Variants in EFR3B observed in about 807,000 individuals in gnomAD.
EFR3B encodes protein EFR3 homolog B.
In EFR3B, 64 loss-of-function variants were observed where a neutral mutation model predicts 104.7. The ratio of observed to expected loss-of-function variants is 0.61; its 90% CI spans 0.50 to 0.75. The LOEUF is 0.75. Among genes scored for constraint, EFR3B ranks in the 30% least tolerant of loss-of-function variants. The pLI is 0.00. For missense variants in EFR3B, 750 were observed against 1,078.5 expected (o/e 0.70, Z 4.27); for synonymous variants, 385 against 417.9 (o/e 0.92, Z 0.96).
chr2:25,061,484 A>G (rs1234859054), intron 1 of EFR3B, among the ~76,000 whole-genome samples: 1 of 151,166 alleles, frequency 6.6e-6, no homozygotes. Flanking sequence ...GTGAACACCA[A>G]TAAGCTTTAT....
chr2:25,083,134 C>A (rs549958578), intron 1 of EFR3B, among the ~76,000 whole-genome samples: 67 of 152,180 alleles, frequency 4.4e-4, no homozygotes, highest in Non-Finnish European at 5.0e-4. Context: ...GGCCATATCA[C>A]GTTTCCCTCT....
Position 25,042,326 on chromosome 2 carries a change from A to G in EFR3B, c.7+7A>G. The G allele has an allele frequency of 7.9e-7, 1 of 1,266,604 alleles. No homozygotes were observed. Among genetic ancestry groups the G allele is most frequent in the Non-Finnish European group, 9.9e-7 (1 of 1,005,192 alleles). 78.5% of individuals were successfully genotyped at this position (1,266,604 alleles called of 1,614,324 possible). On this transcript the variant is annotated splice_region_variant and intron_variant, in intron 1 of 22. Transcript: ENST00000403714. This position sits in a 1 kb window ranked among gnomAD's most constrained non-coding sequence, Gnocchi z 5.4. ...CGCCCCGCCGAGATGTACGGTAAGG[A>G]GGGCTCCGCGCCCGGGCCCGGGCCC...
intron 17 of EFR3B, among the ~76,000 whole-genome samples, chr2:25,142,970 G>A (rs1179291315): frequency 6.7e-6 from 1 of 149,928 alleles, no homozygotes; most frequent in Non-Finnish European, 1.5e-5. Flanking sequence ...AAAAAAGGCT[G>A]GGCATGGCGG....
chr2:25,153,638 G>C, intron 21 of EFR3B, 74 bp from the exon 22 acceptor site: 1 of 1,483,464 alleles, frequency 6.7e-7, no homozygotes, highest in Non-Finnish European at 9.2e-7. Context: ...GTATACTCTG[G>C]ACACCCTGAG....
At chr2:25,115,656 T>G (rs944306400) in intron 4 of EFR3B, among the ~76,000 whole-genome samples, 1 of 152,158 alleles carries the variant, frequency 6.6e-6, no homozygotes, top group East Asian at 1.9e-4. Context: ...GATTGGGAGA[T>G]TATCTTGGAT....
Position 25,131,687 on chromosome 2 carries a change from G to A in EFR3B, c.986-63G>A, listed in dbSNP as rs10209380. On this transcript the variant is annotated intron_variant, in intron 9 of 22. Coordinates refer to ENST00000403714, the MANE Select transcript of EFR3B (RefSeq NM_014971.2). This position sits in a 1 kb window ranked among gnomAD's most constrained non-coding sequence, Gnocchi z 7.6. The stretch of plus-strand genomic sequence containing the variant: ...GGGCGTGACCCTGCCCTGCCTGCGC[G>A]CGGTGCACAGAGGAGGAGGGTGCCA... The A allele has an allele frequency of 8.1e-4, 1,205 of 1,478,914 alleles. 6 individuals are homozygous for A. In the African/African-American group the frequency reaches 0.014, roughly 18 times the overall value. 91.6% of individuals were successfully genotyped at this position (1,478,914 alleles called of 1,614,324 possible).
chr2:25,148,660 C>G (rs892951520), intron 19 of EFR3B, among the ~76,000 whole-genome samples: 1 of 151,676 alleles, frequency 6.6e-6, no homozygotes, highest in Non-Finnish European at 1.5e-5. Flanking sequence ...CGGTGGCTCA[C>G]GCCTGTAATC....
chr2:25,109,905 A>C (rs1434528382), intron 4 of EFR3B, among the ~76,000 whole-genome samples: 1 of 152,214 alleles, frequency 6.6e-6, no homozygotes, highest in African/African-American at 2.4e-5. Context: ...ACCCAGAGTC[A>C]ATGGCACACA....
chr2:25,065,132 CA>C (rs1021651552), intron 1 of EFR3B, among the ~76,000 whole-genome samples: 36 of 152,136 alleles, frequency 2.4e-4, no homozygotes, highest in Middle Eastern at 6.8e-3. Flanking sequence ...TATTCAGAGA[CA>C]AAGCAACAAC....
Position 25,152,842 on chromosome 2 carries a change from G to A in EFR3B, c.2298+822G>A, listed in dbSNP as rs778369985. Among the ~76,000 whole-genome samples the A allele has an allele frequency of 4.9e-3, 454 of 93,214 alleles. 1 individual carries two copies. Among genetic ancestry groups the A allele is most frequent in the South Asian group, 0.013 (39 of 3,022 alleles). The allele number at this position is 93,214 out of a possible 152,430, so 61.2% of individuals were successfully genotyped here. A position where few individuals can be genotyped will look rare whatever the true frequency, so the allele number is the denominator to read the frequency against. On this transcript the variant is annotated intron_variant, in intron 21 of 22. Coordinates refer to ENST00000403714, the MANE Select transcript of EFR3B (RefSeq NM_014971.2). Reference sequence around the variant, plus strand: ...TGTGTGTGTGTGTGTGTGTGTGTGTGTATATAAAACACATATAGATTTTCC... The same window carrying A: ...TGTGTGTGTGTGTGTGTGTGTGTGTATATATAAAACACATATAGATTTTCC...
intron 1 of EFR3B, among the ~76,000 whole-genome samples, chr2:25,075,970 G>A (rs915287409): frequency 6.6e-6 from 1 of 152,158 alleles, no homozygotes; most frequent in Non-Finnish European, 1.5e-5. Flanking sequence ...ACTGCTCACT[G>A]TAGCCTTGAC....
chr2:25,082,729 G>A (rs1259498008), intron 1 of EFR3B, among the ~76,000 whole-genome samples: 5 of 152,184 alleles, frequency 3.3e-5, no homozygotes, highest in African/African-American at 9.7e-5. Flanking sequence ...CTGGGACACA[G>A]TGGGGACAAG....
chr2:25,078,864 C>A lies in EFR3B; in HGVS notation c.8-12461C>A, dbSNP rs552373728. On this transcript the variant is annotated intron_variant, in intron 1 of 22. Transcript: ENST00000403714. ...GATCCGCCAGGTGTCAGGTCTGTGG[C>A]GCTGACTCTCCTGCCCCTTCAACAT... is the stretch of plus-strand genomic sequence containing the variant. Among the ~76,000 whole-genome samples, 14 of 152,236 alleles carry A rather than the reference C, an allele frequency of 9.2e-5. No homozygotes were observed. In the East Asian group the frequency reaches 2.7e-3, roughly 29 times the overall value.
chr2:25,083,630 C>T (rs1289771658), intron 1 of EFR3B, among the ~76,000 whole-genome samples: 2 of 152,162 alleles, frequency 1.3e-5, no homozygotes, highest in African/African-American at 2.4e-5. Flanking sequence ...CTGACCAAAG[C>T]GCCTCCAGCT....
At chr2:25,067,668 G>A (rs1033410717) in intron 1 of EFR3B, among the ~76,000 whole-genome samples, 2 of 151,892 alleles carry the variant, frequency 1.3e-5, no homozygotes, top group African/African-American at 2.4e-5. Context: ...TCCTGACCTC[G>A]TGATCTGCCT....
intron 1 of EFR3B, among the ~76,000 whole-genome samples, chr2:25,061,926 G>A (rs922048222): frequency 2.0e-5 from 3 of 152,146 alleles, no homozygotes; most frequent in Non-Finnish European, 4.4e-5. Flanking sequence ...AAGGATCATG[G>A]ATGATTTAAA....
At position 25,144,954 on chromosome 2, in the gene EFR3B, C is replaced by T. The variant is rs1200231111; in HGVS notation, c.2051-6C>T. 6.4e-7 allele frequency: 1 copy of T among 1,551,298 alleles called. No individual in the cohort carries two copies. Among genetic ancestry groups the T allele is most frequent in the Admixed American group, 2.0e-5 (1 of 50,994 alleles). Reference sequence around the variant, plus strand: ...AACTAAAGCCTCTGGGCTGCTTCTTCCCCAGATGAGGATCGTTTATCCAAG... The same window carrying T: ...AACTAAAGCCTCTGGGCTGCTTCTTTCCCAGATGAGGATCGTTTATCCAAG... On this transcript the variant is annotated splice_polypyrimidine_tract_variant and splice_region_variant and intron_variant, in intron 18 of 22. Coordinates refer to ENST00000403714, the MANE Select transcript of EFR3B (RefSeq NM_014971.2).
chr2:25,081,399 G>T, intron 1 of EFR3B: 3 of 1,154,602 alleles, frequency 2.6e-6, no homozygotes, highest in African/African-American at 1.5e-5. Context: ...TCCTGCACAT[G>T]TTATTTCTTT....
At chr2:25,088,539 T>G (rs1045354222) in intron 1 of EFR3B, among the ~76,000 whole-genome samples, 1 of 152,038 alleles carries the variant, frequency 6.6e-6, no homozygotes, top group Non-Finnish European at 1.5e-5. Flanking sequence ...ATGGAAGGGC[T>G]CAATGGCACT....
Sources: allele counts gnomAD v4.1 joint callset (sites outside exome capture counted in the v4.1 genomes callset), GRCh38; gene constraint gnomAD v4.1.1; non-coding constraint Gnocchi (gnomAD v3.1); transcripts MANE v1.5; gene names NCBI Gene and HGNC (gene_info 2026-07-23, HGNC 2026-07-21).